Variants in ATAD2 observed in about 807,000 individuals in gnomAD.
ATAD2 encodes ATPase family AAA domain-containing protein 2.
A neutral mutation model predicts 168.9 loss-of-function variants in ATAD2; 62 were observed. That is an observed-to-expected ratio of 0.37 (90% CI 0.30 to 0.45). ATAD2 has a LOEUF of 0.45. ATAD2 is among the 20% of genes least tolerant of loss of function. The pLI, the probability that ATAD2 is intolerant of heterozygous loss-of-function variation, is 1.00. For missense variants in ATAD2, 1,419 were observed against 1,667.8 expected (o/e 0.85, Z 2.60); for synonymous variants, 613 against 571.6 (o/e 1.07, Z -1.03).
chr8:123,364,082 C>T (rs543729161), intron 8 of ATAD2, among the ~76,000 whole-genome samples: 3 of 152,072 alleles, frequency 2.0e-5, no homozygotes, highest in South Asian at 2.1e-4. Flanking sequence ...TTTTAAACAT[C>T]GAAGTACAGT....
At chr8:123,346,576 A>C in intron 17 of ATAD2, 42 bp downstream of exon 17, 1 of 1,467,060 alleles carries the variant, frequency 6.8e-7, no homozygotes, top group Non-Finnish European at 9.2e-7. Context: ...TTTTTAGAAA[A>C]TTTACACATG....
At chr8:123,364,542 C>T (rs997010067) in intron 8 of ATAD2, among the ~76,000 whole-genome samples, 4 of 152,038 alleles carry the variant, frequency 2.6e-5, no homozygotes, top group African/African-American at 9.7e-5. Flanking sequence ...ACTAGCTAAT[C>T]GAATCCAACA....
rs796106514 is a variant in ATAD2, at chr8:123,383,669, A to AG, written c.172-2993dup. Among the ~76,000 whole-genome samples, 20 of 152,186 alleles carry AG rather than the reference A, an allele frequency of 1.3e-4. 1 individual carries two copies. The highest frequency in any genetic ancestry group is 4.3e-4 in the African/African-American group (18 of 41,540). On this transcript the variant is annotated intron_variant, in intron 1 of 27. Coordinates refer to ENST00000287394, the MANE Select transcript of ATAD2 (RefSeq NM_014109.4). ...ATGCCTGTAATCCCAGCAACTTGGG[A>AG]GGCTGAGGCAGGAGAATCACTAGAA...
chr8:123,384,120 T>C (rs1392091469), intron 1 of ATAD2, among the ~76,000 whole-genome samples: 1 of 151,214 alleles, frequency 6.6e-6, no homozygotes, highest in African/African-American at 2.4e-5. Context: ...ACTGAATGAC[T>C]AAAGAAAGGC....
In ATAD2 at chr8:123,334,038, T is replaced by C; in HGVS notation, c.3335-17A>G. 2 of 1,596,956 alleles carry C rather than the reference T, an allele frequency of 1.3e-6. No homozygotes were observed. Among genetic ancestry groups the C allele is most frequent in the Non-Finnish European group, 1.7e-6 (2 of 1,170,038 alleles). On this transcript the variant is annotated splice_polypyrimidine_tract_variant and intron_variant, in intron 23 of 27. Coordinates refer to ENST00000287394, the MANE Select transcript of ATAD2 (RefSeq NM_014109.4). The stretch of plus-strand genomic sequence containing the variant: ...AGCTACAACCTTATAAATAGATATG[T>C]GGGATGTCAAAAGGATTTCCAGATT...
At chr8:123,405,841 C>G (rs1813060755) in intron 1 of ATAD2, among the ~76,000 whole-genome samples, 1 of 152,162 alleles carries the variant, frequency 6.6e-6, no homozygotes, top group Admixed American at 6.5e-5. Context: ...TATTGCATAA[C>G]TGCTATGAAT....
chr8:123,322,221 C>G (rs1198035147), intron 27 of ATAD2, among the ~76,000 whole-genome samples: 4 of 152,152 alleles, frequency 2.6e-5, no homozygotes, highest in African/African-American at 7.2e-5. Flanking sequence ...CTCCTGGGCT[C>G]AAGCAATCCA....
intron 1 of ATAD2, among the ~76,000 whole-genome samples, chr8:123,388,046 A>G (rs763478343): frequency 6.6e-6 from 1 of 152,182 alleles, no homozygotes; most frequent in East Asian, 1.9e-4. Flanking sequence ...GTCTTTAAAC[A>G]TGAGTTTAAA....
rs80063734 is a variant in ATAD2 at position 123,321,308 on chromosome 8, A to C, written c.4132-133T>G. 2.3e-3 allele frequency: 1,770 copies of C among 770,784 alleles called. 22 individuals carry two copies. In the African/African-American group the frequency reaches 0.024, roughly 10 times the overall value. 47.7% of individuals were successfully genotyped at this position (770,784 alleles called of 1,614,324 possible). On this transcript the variant is annotated intron_variant, in intron 27 of 27. Transcript: ENST00000287394. ...TATATATTTGATAGTGAAAATAAAC[A>C]TTCAGTTCAGTATTTAAGACTGCCA... is the stretch of plus-strand genomic sequence containing the variant.
intron 7 of ATAD2, 96 bp downstream of exon 7, chr8:123,369,725 T>C (rs1043790984): frequency 1.8e-6 from 2 of 1,104,262 alleles, no homozygotes; most frequent in East Asian, 2.4e-5. Flanking sequence ...AATGAAAATA[T>C]GAAAAATACC....
intron 8 of ATAD2, among the ~76,000 whole-genome samples, chr8:123,367,123 C>A (rs1829003577): frequency 6.6e-6 from 1 of 152,142 alleles, no homozygotes; most frequent in Admixed American, 6.5e-5. Flanking sequence ...TTGAATCTAA[C>A]CAATAACTCG....
chr8:123,324,054 A>C (rs978291059), intron 26 of ATAD2, among the ~76,000 whole-genome samples: 2 of 152,202 alleles, frequency 1.3e-5, no homozygotes, highest in African/African-American at 4.8e-5. Flanking sequence ...TTCCTGTTTC[A>C]GCACTAGGAA....
At chr8:123,347,972 A>G (rs1828306846) in intron 15 of ATAD2, 1 of 604,090 alleles carries the variant, frequency 1.7e-6, no homozygotes, top group Non-Finnish European at 2.9e-6. Flanking sequence ...ATTTAATACC[A>G]AGACTTCATG....
chr8:123,372,652 CTTT>C lies in ATAD2; in HGVS notation c.352_354del (p.Lys118del), dbSNP rs746676748. The C allele has an allele frequency of 5.1e-6, 8 of 1,565,784 alleles. No individual in the cohort carries two copies. In the African/African-American group the frequency reaches 6.9e-5, roughly 13 times the overall value. On this transcript the variant is annotated inframe_deletion, in exon 3 of 28. Coordinates refer to ENST00000287394, the MANE Select transcript of ATAD2 (RefSeq NM_014109.4). ...CAGTACTTACCTTCTCTGTGCTCTT[CTTT>C]TTTTTTATCAGCCTGCTGTCTGGCC... is the stretch of plus-strand genomic sequence containing the variant.
At chr8:123,405,962 T>C (rs1813063353) in intron 1 of ATAD2, among the ~76,000 whole-genome samples, 1 of 152,192 alleles carries the variant, frequency 6.6e-6, no homozygotes. Flanking sequence ...TATGAATAAA[T>C]CTTACAAACA....
intron 2 of ATAD2, among the ~76,000 whole-genome samples, chr8:123,372,937 G>A (rs1829191966): frequency 1.3e-5 from 2 of 149,250 alleles, no homozygotes; most frequent in Non-Finnish European, 3.0e-5. Flanking sequence ...CTGTCGCCCA[G>A]GCTGGAGTGC....
chr8:123,325,743 AAGG>A, intron 26 of ATAD2, 147 bp downstream of exon 26: 1 of 1,008,324 alleles, frequency 9.9e-7, no homozygotes, highest in Non-Finnish European at 1.4e-6. Context: ...GGAACAGGGG[AAGG>A]AGAAGAACAG....
In ATAD2 at chr8:123,347,177, C is replaced by A; in HGVS notation, c.2127G>T (p.Leu709=). 6.2e-7 allele frequency: 1 copy of A among 1,614,158 alleles called. No homozygotes were observed. Residue 709 remains leucine, a synonymous_variant, in exon 16 of 28, where the codon CTG becomes CTT. Transcript: ENST00000287394. The part of the protein sequence containing the change: ...QALSTVVKPL[L]QNTVDKILEA... ...CTAAAATCTTGTCAACAGTGTTTTGCAGGAGTGGTTTCACAACGGTGGACA... is the reference window on the plus strand; with the variant it reads ...CTAAAATCTTGTCAACAGTGTTTTGAAGGAGTGGTTTCACAACGGTGGACA...
At chr8:123,328,142 G>T in intron 25 of ATAD2, 48 bp downstream of exon 25, 1 of 1,317,530 alleles carries the variant, frequency 7.6e-7, no homozygotes, top group South Asian at 2.4e-5. Context: ...TAGAAACTTT[G>T]AAATATCTTT....
Sources: allele counts gnomAD v4.1 joint callset (sites outside exome capture counted in the v4.1 genomes callset), GRCh38; gene constraint gnomAD v4.1.1; transcripts MANE v1.5; gene names NCBI Gene and HGNC (gene_info 2026-07-23, HGNC 2026-07-21).